Variants in ROBO1 observed in about 807,000 individuals in gnomAD.
ROBO1 encodes the protein roundabout homolog 1.
In ROBO1, 149 loss-of-function variants were observed where a neutral mutation model predicts 195.9. The ratio of observed to expected loss-of-function variants is 0.76; its 90% CI spans 0.67 to 0.87. The LOEUF is 0.87. ROBO1 is among the 40% of genes least tolerant of loss of function. ROBO1 has a pLI of 0.00. For missense variants in ROBO1, 1,933 were observed against 2,068.3 expected (o/e 0.93, Z 1.27); for synonymous variants, 816 against 733.2 (o/e 1.11, Z -1.82).
intron 4 of ROBO1, among the ~76,000 whole-genome samples, chr3:78,805,453 CA>C (rs1223865182): frequency 1.3e-5 from 2 of 152,212 alleles, no homozygotes; most frequent in East Asian, 3.9e-4. Flanking sequence ...ACCATATTTA[CA>C]ACTACTTAGA....
chr3:79,396,858 T>C (rs1238293241), intron 2 of ROBO1, among the ~76,000 whole-genome samples: 1 of 152,180 alleles, frequency 6.6e-6, no homozygotes, highest in East Asian at 1.9e-4. Context: ...ATTTTGGCTT[T>C]CTAAAATTTA....
intron 2 of ROBO1, among the ~76,000 whole-genome samples, chr3:79,297,409 C>G (rs1359188589): frequency 2.0e-5 from 3 of 152,098 alleles, no homozygotes; most frequent in Non-Finnish European, 4.4e-5. Context: ...TTTTGCAAAA[C>G]TGTGAGTTTA....
intron 2 of ROBO1, among the ~76,000 whole-genome samples, chr3:79,420,291 T>G (rs1315437346): frequency 6.6e-6 from 1 of 152,144 alleles, no homozygotes; most frequent in Non-Finnish European, 1.5e-5. Flanking sequence ...TTTATTCAAT[T>G]TAATTTTCTG....
intron 4 of ROBO1, among the ~76,000 whole-genome samples, chr3:78,915,778 C>G (rs985455688): frequency 5.9e-5 from 9 of 151,944 alleles, no homozygotes; most frequent in African/African-American, 2.2e-4. Flanking sequence ...CCACGTCAGC[C>G]ACCCGAGTAG....
intron 2 of ROBO1, among the ~76,000 whole-genome samples, chr3:79,481,689 T>A (rs1002865732): frequency 2.0e-5 from 3 of 152,164 alleles, no homozygotes; most frequent in Non-Finnish European, 2.9e-5. Context: ...TCTTTATTGA[T>A]CTCTAGTTGT....
chr3:78,801,908 G>A (rs150510094), intron 4 of ROBO1, among the ~76,000 whole-genome samples: 2 of 152,032 alleles, frequency 1.3e-5, no homozygotes, highest in East Asian at 3.9e-4. Context: ...TGACAATTTT[G>A]TAGGGCTTGT....
intron 1 of ROBO1, among the ~76,000 whole-genome samples, chr3:79,681,591 T>C (rs1946950798): frequency 6.6e-6 from 1 of 151,968 alleles, no homozygotes; most frequent in Non-Finnish European, 1.5e-5. Flanking sequence ...TGATATAATA[T>C]ATAATCAAAT....
At position 78,807,097 on chromosome 3, in the gene ROBO1, C is replaced by T. The variant is rs139951328; in HGVS notation, c.500-60197G>A. ...TGCTGGTATTACAGGAGTGAGCCAC[C>T]GTGCCCGGCCTAAAAATCATTTTTC... is the stretch of plus-strand genomic sequence containing the variant. On this transcript the variant is annotated intron_variant, in intron 4 of 30. Coordinates refer to ENST00000464233, the MANE Select transcript of ROBO1 (RefSeq NM_002941.4). 3.7e-3 allele frequency among the ~76,000 whole-genome samples: 565 copies of T among 152,140 alleles called. 7 individuals are homozygous for T. Among genetic ancestry groups the T allele is most frequent in the African/African-American group, 0.013 (531 of 41,496 alleles).
At chr3:79,098,012 T>G (rs542426279) in intron 3 of ROBO1, among the ~76,000 whole-genome samples, 1 of 151,880 alleles carries the variant, frequency 6.6e-6, no homozygotes, top group African/African-American at 2.4e-5. Flanking sequence ...TTTCTTTCCC[T>G]CAGTATACTT....
In ROBO1 at chr3:79,018,260, A is replaced by G. The variant is rs2078004005; in HGVS notation, c.173-79333T>C. The stretch of plus-strand genomic sequence containing the variant: ...ACAACCCCAAATGCGAACTAGGAAC[A>G]TTTTCGCCTAAAAGTCTAGCAGGAA... On this transcript the variant is annotated intron_variant, in intron 3 of 30. Transcript: ENST00000464233. The G allele has an allele frequency of 5.6e-6, 5 of 888,716 alleles. No homozygotes were observed. In the East Asian group the frequency reaches 1.3e-4, roughly 24 times the overall value. 55.1% of individuals were successfully genotyped at this position (888,716 alleles called of 1,614,324 possible).
At chr3:78,634,122 T>A (rs1459587159) in intron 23 of ROBO1, 80 bp from the exon 24 acceptor site, 4 of 900,736 alleles carry the variant, frequency 4.4e-6, no homozygotes, top group Non-Finnish European at 5.1e-6. Flanking sequence ...TCTCTATATT[T>A]CTGAGTAACT....
intron 1 of ROBO1, among the ~76,000 whole-genome samples, chr3:79,703,579 A>G (rs1178015462): frequency 6.6e-6 from 1 of 151,920 alleles, no homozygotes; most frequent in African/African-American, 2.4e-5. Flanking sequence ...AAAATAGCTA[A>G]GCAGTTTTTA....
intron 1 of ROBO1, among the ~76,000 whole-genome samples, chr3:79,625,107 A>C (rs2107996337): frequency 6.6e-6 from 1 of 152,214 alleles, no homozygotes; most frequent in Non-Finnish European, 1.5e-5. Context: ...ATCCTGGGTA[A>C]ATAGTAAAAT....
chr3:79,255,061 G>A (rs972730723), intron 2 of ROBO1, among the ~76,000 whole-genome samples: 4 of 152,144 alleles, frequency 2.6e-5, no homozygotes, highest in African/African-American at 9.7e-5. Flanking sequence ...CATTTGCTGG[G>A]TAATACCATC....
At chr3:79,589,722 A>G in intron 2 of ROBO1, 102 bp downstream of exon 2, 1 of 952,184 alleles carries the variant, frequency 1.1e-6, no homozygotes. Flanking sequence ...AGTTCCAAAG[A>G]AAATGAACAA....
At chr3:79,107,133 A>T (rs532664474) in intron 3 of ROBO1, among the ~76,000 whole-genome samples, 21 of 144,634 alleles carry the variant, frequency 1.5e-4, no homozygotes, top group African/African-American at 4.9e-4. Flanking sequence ...TCTCTCACAC[A>T]CACACACACA....
Position 78,668,121 on chromosome 3 carries a change from T to C in ROBO1, c.1799+13A>G, listed in dbSNP as rs1707841974. The C allele has an allele frequency of 1.2e-6, 2 of 1,612,190 alleles. No homozygotes were observed. The highest frequency in any genetic ancestry group is 1.7e-6 in the Non-Finnish European group (2 of 1,179,070). On this transcript the variant is annotated intron_variant, in intron 13 of 30. Coordinates refer to ENST00000464233, the MANE Select transcript of ROBO1 (RefSeq NM_002941.4). Reference sequence around the variant, plus strand: ...CAAAAAAGAACAACTAGGAAGCATCTCCTTCACTCTACCTGAAGGCTTCTA... The same window carrying C: ...CAAAAAAGAACAACTAGGAAGCATCCCCTTCACTCTACCTGAAGGCTTCTA...
At chr3:78,932,886 G>A (rs2039608223) in intron 4 of ROBO1, among the ~76,000 whole-genome samples, 2 of 152,102 alleles carry the variant, frequency 1.3e-5, no homozygotes, top group East Asian at 3.9e-4. Flanking sequence ...TATAATTTTA[G>A]AATTTTTTTA....
chr3:79,244,216 T>A (rs1420715393), intron 2 of ROBO1, among the ~76,000 whole-genome samples: 1 of 152,130 alleles, frequency 6.6e-6, no homozygotes, highest in Admixed American at 6.6e-5. Flanking sequence ...TAATATTGCA[T>A]AACAAGAACT....
Sources: gnomAD v4.1 joint callset for allele counts (sites outside exome capture counted in the v4.1 genomes callset) on GRCh38, gnomAD v4.1.1 for gene constraint, MANE v1.5 for transcripts, NCBI Gene and HGNC (gene_info 2026-07-23, HGNC 2026-07-21) for gene names.